PPP1R14D: variants seen among roughly 807,000 people sequenced by gnomAD.
PPP1R14D encodes protein phosphatase 1 regulatory subunit 14D.
PPP1R14D carries 14 observed loss-of-function variants against 17.1 expected under a neutral mutation model. The ratio of observed to expected loss-of-function variants is 0.82; its 90% CI spans 0.54 to 1.28. The LOEUF (loss-of-function observed/expected upper bound fraction) is 1.28, where lower values mean the gene tolerates loss of function less well. Ranked by LOEUF, PPP1R14D falls within the 50% of genes most tolerant of loss-of-function variation. The pLI, the probability that PPP1R14D is intolerant of heterozygous loss-of-function variation, is 0.00. For missense variants in PPP1R14D, 173 were observed against 179.2 expected, an observed-to-expected ratio of 0.97 and a Z score of 0.20; for synonymous variants, 67 against 66.1, an observed-to-expected ratio of 1.01 and a Z score of -0.06.
intron 1 of PPP1R14D, among the ~76,000 whole-genome samples, chr15:40,822,749 G>C (rs958957912): frequency 8.6e-5 from 13 of 151,938 alleles, no homozygotes; most frequent in African/African-American, 3.1e-4. Context: ...CACCATGCCT[G>C]GCCTCAAGAC....
At chr15:40,818,225 CT>C (rs1890707225) in intron 1 of PPP1R14D, among the ~76,000 whole-genome samples, 1 of 141,060 alleles carries the variant, frequency 7.1e-6, no homozygotes, top group South Asian at 2.4e-4. Context: ...GGAGGCAGAG[CT>C]TGCAGTGAGC....
Position 40,828,698 on chromosome 15 carries a change from C to T in PPP1R14D, c.-57G>A. 6.5e-7 allele frequency: 1 copy of T among 1,535,380 alleles called. No individual in the cohort carries two copies. ...AAACCGCCAGTTCTGAGCAGAGCCA[C>T]AGAGGGAAGTGAGGAGACAGAGAAC... On this transcript the variant is annotated 5_prime_UTR_variant, in exon 1 of 4. It adds an upstream start codon to the 5' untranslated region. Coordinates refer to ENST00000299174, the MANE Select transcript of PPP1R14D (RefSeq NM_017726.8).
chr15:40,828,264 A>T (rs1321659107), intron 1 of PPP1R14D, 123 bp downstream of exon 1: 2 of 1,281,598 alleles, frequency 1.6e-6, no homozygotes, highest in Non-Finnish European at 2.1e-6. Flanking sequence ...TTCTTTCATC[A>T]GTTACAAAAG....
chr15:40,815,454 G>A lies in PPP1R14D; in HGVS notation c.*242C>T. 1 of 544,778 alleles carries A rather than the reference G, an allele frequency of 1.8e-6. No individual in the cohort carries two copies. The highest frequency in any genetic ancestry group is 2.6e-5 in the South Asian group (1 of 38,716). 33.7% of individuals were successfully genotyped at this position (544,778 alleles called of 1,614,324 possible). ...TATGTTCCACACTCCATTGAGCTGG[G>A]GCTCCTAAAGGTTTTATCCACTTGG... On this transcript the variant is annotated 3_prime_UTR_variant, in exon 4 of 4. Transcript: ENST00000299174.
chr15:40,816,200 T>G lies in PPP1R14D; in HGVS notation c.309A>C (p.Leu103=), dbSNP rs201843575. 30 of 1,614,202 alleles carry G rather than the reference T, an allele frequency of 1.9e-5. No individual in the cohort carries two copies. The Admixed American group carries it at 3.3e-4, about 18-fold the overall frequency. Residue 103 remains leucine, a synonymous_variant, in exon 2 of 4, where the codon CTA becomes CTC. Transcript: ENST00000299174. ...PEIDLEALMD[L]STEEQKTQLE... is the part of the protein sequence containing the mutation. The stretch of plus-strand genomic sequence containing the variant: ...GCTGAGTCTTCTGCTCCTCTGTGGA[T>G]AGATCCATGAGAGCTTCCAGGTCAA...
intron 3 of PPP1R14D, 69 bp from the exon 4 acceptor site, chr15:40,815,830 C>T (rs1890648793): frequency 1.5e-6 from 1 of 664,224 alleles, no homozygotes; most frequent in Middle Eastern, 2.9e-4. Context: ...CCTCCCTAAT[C>T]TTCCCCTGCC....
In PPP1R14D at chr15:40,815,979, A is replaced by C; in HGVS notation, c.355T>G (p.Cys119Gly). The C allele has an allele frequency of 6.2e-7, 1 of 1,614,136 alleles. No homozygotes were observed. Among genetic ancestry groups the C allele is most frequent in the Non-Finnish European group, 8.5e-7 (1 of 1,180,018 alleles). ...TCCCTTACCTCTGTGGGGCGGGGGCAGTTCCCAAGAATGGCCTAGATAGGA... is the reference window on the plus strand; with the variant it reads ...TCCCTTACCTCTGTGGGGCGGGGGCCGTTCCCAAGAATGGCCTAGATAGGA... The part of the protein sequence containing the change: ...KTQLEAILGN[C>G]PRPTEAFISE... Residue 119 changes from cysteine (C) to glycine (G), a missense_variant, in exon 3 of 4, where the codon TGC becomes GGC. Physicochemically the swap from Cys to Gly is radical, Grantham distance 159. Transcript: ENST00000299174.
intron 1 of PPP1R14D, among the ~76,000 whole-genome samples, chr15:40,825,427 G>A (rs556821370): frequency 6.6e-6 from 1 of 152,140 alleles, no homozygotes; most frequent in African/African-American, 2.4e-5. Flanking sequence ...CTCTACCTCC[G>A]GACAACAGGA....
chr15:40,818,383 G>T (rs184583862), intron 1 of PPP1R14D, among the ~76,000 whole-genome samples: 2 of 150,712 alleles, frequency 1.3e-5, no homozygotes, highest in Non-Finnish European at 2.9e-5. Context: ...AACTAAGATA[G>T]TCTTCAGTAG....
At chr15:40,825,034 A>T (rs1220273925) in intron 1 of PPP1R14D, among the ~76,000 whole-genome samples, 1 of 152,170 alleles carries the variant, frequency 6.6e-6, no homozygotes, top group African/African-American at 2.4e-5. Context: ...CTGTAATCCC[A>T]GCACTTTGGG....
At chr15:40,828,253 T>C in intron 1 of PPP1R14D, 134 bp downstream of exon 1, 1 of 1,230,832 alleles carries the variant, frequency 8.1e-7, no homozygotes, top group Non-Finnish European at 1.1e-6. Context: ...CCGATGCTTC[T>C]TTCTTTCATC....
chr15:40,821,655 T>C (rs1473411678), intron 1 of PPP1R14D, among the ~76,000 whole-genome samples: 1 of 152,060 alleles, frequency 6.6e-6, no homozygotes, highest in Non-Finnish European at 1.5e-5. Context: ...AGGCCAGGCG[T>C]GGTGGCTCAT....
At chr15:40,824,094 C>A (rs574896305) in intron 1 of PPP1R14D, among the ~76,000 whole-genome samples, 131 of 151,088 alleles carry the variant, frequency 8.7e-4, no homozygotes, top group Non-Finnish European at 1.6e-3. Flanking sequence ...AATTTTTGAA[C>A]TCTCAGAACA....
chr15:40,821,218 C>T (rs941587615), intron 1 of PPP1R14D, among the ~76,000 whole-genome samples: 20 of 151,786 alleles, frequency 1.3e-4, no homozygotes, highest in African/African-American at 4.8e-4. Flanking sequence ...CCTGTAATCC[C>T]AGCTACTCAG....
intron 1 of PPP1R14D, among the ~76,000 whole-genome samples, 165 bp from the exon 2 acceptor site, chr15:40,816,418 T>C (rs191217650): frequency 2.0e-5 from 3 of 152,332 alleles, no homozygotes; most frequent in African/African-American, 7.2e-5. Flanking sequence ...TTACTAAACA[T>C]ATACTATATT....
At chr15:40,828,287 G>T (rs1179748899) in intron 1 of PPP1R14D, 100 bp downstream of exon 1, 12 of 1,429,494 alleles carry the variant, frequency 8.4e-6, no homozygotes, top group Non-Finnish European at 1.1e-5. Context: ...TTCTCTTCAC[G>T]GAAGCACCTC....
chr15:40,819,277 G>A (rs1890728697), intron 1 of PPP1R14D, among the ~76,000 whole-genome samples: 1 of 152,132 alleles, frequency 6.6e-6, no homozygotes, highest in Non-Finnish European at 1.5e-5. Context: ...TACTGAAAAA[G>A]GCAAACAAAA....
intron 1 of PPP1R14D, among the ~76,000 whole-genome samples, chr15:40,823,662 T>A (rs1341203652): frequency 6.6e-6 from 1 of 152,202 alleles, no homozygotes; most frequent in Non-Finnish European, 1.5e-5. Flanking sequence ...TACAGTAAAC[T>A]GCTGTACAGG....
intron 1 of PPP1R14D, among the ~76,000 whole-genome samples, chr15:40,818,371 G>A (rs1239946112): frequency 1.3e-5 from 2 of 150,520 alleles, no homozygotes; most frequent in Non-Finnish European, 2.9e-5. Flanking sequence ...AAACATGGAA[G>A]CAACTAAGAT....
Sources: allele counts gnomAD v4.1 joint callset (sites outside exome capture counted in the v4.1 genomes callset), GRCh38; gene constraint gnomAD v4.1.1; transcripts MANE v1.5; gene names NCBI Gene and HGNC (gene_info 2026-07-23, HGNC 2026-07-21).